The following SAMTOR variants were observed in gnomAD, a reference collection of about 807,000 sequenced individuals.
The protein encoded by SAMTOR is S-adenosylmethionine sensor upstream of mTORC1.
At chr7:112,934,340 T>C in the SAMTOR span, among the ~76,000 whole-genome samples, 2 of 152,216 alleles carry the variant, frequency 1.3e-5, no homozygotes, top group African/African-American at 2.4e-5. Context: ...AAAGGATAGA[T>C]TGCAAACTAA....
At chr7:112,913,401 C>T in the SAMTOR span, among the ~76,000 whole-genome samples, 1 of 152,214 alleles carries the variant, frequency 6.6e-6, no homozygotes, top group African/African-American at 2.4e-5. Context: ...TGTCAACTCA[C>T]TATCTCATTC....
At chr7:112,888,677 C>A in the SAMTOR span, among the ~76,000 whole-genome samples, 1 of 152,140 alleles carries the variant, frequency 6.6e-6, no homozygotes, top group African/African-American at 2.4e-5. Context: ...TATCTGAACC[C>A]AGATATCAAA....
chr7:112,912,704 A>C, the SAMTOR span, among the ~76,000 whole-genome samples: 1 of 152,124 alleles, frequency 6.6e-6, no homozygotes, highest in African/African-American at 2.4e-5. Context: ...AAGAAATTTA[A>C]CCATATCTTG....
the SAMTOR span, among the ~76,000 whole-genome samples, chr7:112,881,960 G>C: frequency 6.6e-6 from 1 of 152,248 alleles, no homozygotes; most frequent in Non-Finnish European, 1.5e-5. Flanking sequence ...CCCTTGGGGA[G>C]CCCAGACCAA....
chr7:112,924,302 G>T, the SAMTOR span, among the ~76,000 whole-genome samples: 1 of 151,792 alleles, frequency 6.6e-6, no homozygotes, highest in Admixed American at 6.6e-5. Flanking sequence ...CATCTAAGAG[G>T]TTTTTTTTAA....
At chr7:112,873,448 A>C in the SAMTOR span, among the ~76,000 whole-genome samples, 1 of 152,156 alleles carries the variant, frequency 6.6e-6, no homozygotes, top group South Asian at 2.1e-4. Flanking sequence ...CAAGTCAATA[A>C]AAATAAGCAA....
At chr7:112,918,898 CTGTCCTAAA>C in the SAMTOR span, among the ~76,000 whole-genome samples, 1 of 152,216 alleles carries the variant, frequency 6.6e-6, no homozygotes. Context: ...GAAGAGCTAA[CTGTCCTAAA>C]TGTATATGCA....
chr7:112,867,055 T>C, the SAMTOR span, among the ~76,000 whole-genome samples: 1 of 152,224 alleles, frequency 6.6e-6, no homozygotes, highest in Non-Finnish European at 1.5e-5. Flanking sequence ...CATCATTTGA[T>C]ACAAATTACT....
the SAMTOR span, among the ~76,000 whole-genome samples, chr7:112,882,578 A>C: frequency 6.6e-6 from 1 of 151,932 alleles, no homozygotes; most frequent in Non-Finnish European, 1.5e-5. Flanking sequence ...AATCCCAGCT[A>C]CTCAGGAGGC....
chr7:112,925,215 A>G, the SAMTOR span, among the ~76,000 whole-genome samples: 1 of 152,238 alleles, frequency 6.6e-6, no homozygotes, highest in Non-Finnish European at 1.5e-5. Flanking sequence ...ATGATGGTAC[A>G]TAACACTATT....
the SAMTOR span, among the ~76,000 whole-genome samples, chr7:112,846,789 A>G: frequency 1.7e-3 from 252 of 152,290 alleles, 8 homozygotes; most frequent in East Asian, 0.041. Flanking sequence ...AAAAAATTGT[A>G]TCTGTTTTTA....
At chr7:112,892,619 A>T in the SAMTOR span, among the ~76,000 whole-genome samples, 1 of 152,040 alleles carries the variant, frequency 6.6e-6, no homozygotes, top group East Asian at 1.9e-4. Flanking sequence ...AAATTTTAAA[A>T]AAGTTAGCTG....
chr7:112,845,918 A>C, the SAMTOR span, among the ~76,000 whole-genome samples: 5 of 152,176 alleles, frequency 3.3e-5, no homozygotes, highest in Non-Finnish European at 7.4e-5. Context: ...CCATTGCAGG[A>C]ACATGGATGG....
the SAMTOR span, among the ~76,000 whole-genome samples, chr7:112,881,424 G>A: frequency 6.6e-6 from 1 of 152,102 alleles, no homozygotes; most frequent in Non-Finnish European, 1.5e-5. Flanking sequence ...AGAGGTTATG[G>A]TGCTTTTTCT....
the SAMTOR span, among the ~76,000 whole-genome samples, chr7:112,920,668 T>C: frequency 6.9e-6 from 1 of 144,254 alleles, no homozygotes; most frequent in South Asian, 2.3e-4. Flanking sequence ...TTGTCCCTGT[T>C]TGCAGATGAC....
At chr7:112,870,152 C>T in the SAMTOR span, among the ~76,000 whole-genome samples, 1 of 152,112 alleles carries the variant, frequency 6.6e-6, no homozygotes, top group Non-Finnish European at 1.5e-5. Context: ...ATGAAAATTT[C>T]CCCCATCTTG....
At chr7:112,915,187 G>A in the SAMTOR span, 17 of 928,908 alleles carry the variant, frequency 1.8e-5, no homozygotes, top group Middle Eastern at 2.4e-4. Flanking sequence ...GCAGTGAGCC[G>A]AGATCACGCC....
At chr7:112,855,231 A>G in the SAMTOR span, among the ~76,000 whole-genome samples, 1 of 152,234 alleles carries the variant, frequency 6.6e-6, no homozygotes, top group Non-Finnish European at 1.5e-5. Context: ...ATCGTTTTCC[A>G]TGCATAAGAT....
the SAMTOR span, among the ~76,000 whole-genome samples, chr7:112,853,510 C>G: frequency 6.6e-6 from 1 of 151,920 alleles, no homozygotes; most frequent in Non-Finnish European, 1.5e-5. Flanking sequence ...GGTGTGTGGC[C>G]AGTGCTGACA....
Sources: gnomAD v4.1 joint callset for allele counts (sites outside exome capture counted in the v4.1 genomes callset) on GRCh38, gnomAD v4.1.1 for gene constraint, MANE v1.5 for transcripts, NCBI Gene and HGNC (gene_info 2026-07-23, HGNC 2026-07-21) for gene names.